Variants in SUGCT observed in about 807,000 individuals in gnomAD.
The protein encoded by SUGCT is succinyl-CoA:glutarate-CoA transferase.
Under a neutral mutation model 55.0 loss-of-function variants are expected in SUGCT, and 41 were observed. The ratio of observed to expected loss-of-function variants is 0.74; its 90% CI spans 0.58 to 0.97. SUGCT has a LOEUF of 0.97. Ranked by LOEUF, SUGCT falls within the 50% of genes least tolerant of loss-of-function variation. SUGCT has a pLI of 0.00. For missense variants in SUGCT, 568 were observed against 547.8 expected (o/e 1.04, Z -0.37); for synonymous variants, 187 against 200.4 (o/e 0.93, Z 0.56).
At chr7:40,372,636 T>C (rs1430387776) in intron 9 of SUGCT, among the ~76,000 whole-genome samples, 2 of 152,068 alleles carry the variant, frequency 1.3e-5, no homozygotes, top group Non-Finnish European at 2.9e-5. Context: ...TAATTATTAA[T>C]AGGATTAATC....
At chr7:41,026,344 A>G in the SUGCT span, among the ~76,000 whole-genome samples, 1 of 152,168 alleles carries the variant, frequency 6.6e-6, no homozygotes, top group African/African-American at 2.4e-5. Flanking sequence ...CCATTCATAC[A>G]ACTTGCTTGA....
chr7:40,218,380 GA>G (rs1284151839), intron 6 of SUGCT, among the ~76,000 whole-genome samples: 2 of 152,168 alleles, frequency 1.3e-5, no homozygotes, highest in Non-Finnish European at 2.9e-5. Flanking sequence ...GAAGTGGGGG[GA>G]AAAGTGTTGT....
chr7:40,510,391 C>T (rs907612543), intron 12 of SUGCT, among the ~76,000 whole-genome samples: 1 of 152,010 alleles, frequency 6.6e-6, no homozygotes, highest in Non-Finnish European at 1.5e-5. Context: ...GCACTTATTC[C>T]GTGTTCTCTG....
chr7:40,358,519 C>T (rs1269145175), intron 9 of SUGCT, among the ~76,000 whole-genome samples: 1 of 152,104 alleles, frequency 6.6e-6, no homozygotes, highest in Non-Finnish European at 1.5e-5. Context: ...TCGAGCCTAG[C>T]CTGGCCAACA....
At chr7:40,461,155 T>C (rs2151449784) in intron 11 of SUGCT, among the ~76,000 whole-genome samples, 1 of 152,318 alleles carries the variant, frequency 6.6e-6, no homozygotes, top group South Asian at 2.1e-4. Flanking sequence ...AATTAGAATA[T>C]TGATTCATTC....
At chr7:40,342,984 T>G (rs1259601513) in intron 9 of SUGCT, among the ~76,000 whole-genome samples, 1 of 152,208 alleles carries the variant, frequency 6.6e-6, no homozygotes, top group Non-Finnish European at 1.5e-5. Context: ...CAGCTTGAAA[T>G]AAACCTGGTC....
chr7:40,380,742 G>A (rs1218987685), intron 9 of SUGCT, among the ~76,000 whole-genome samples: 1 of 152,094 alleles, frequency 6.6e-6, no homozygotes, highest in East Asian at 1.9e-4. Context: ...TCTCTGAATG[G>A]CATTTTGTCA....
intron 9 of SUGCT, among the ~76,000 whole-genome samples, chr7:40,342,300 CTCTT>C (rs1480600471): frequency 6.6e-6 from 1 of 152,136 alleles, no homozygotes; most frequent in Non-Finnish European, 1.5e-5. Flanking sequence ...ACTCAGAAAC[CTCTT>C]TCTTATGGAT....
chr7:40,548,091 C>T (rs1455710656), intron 12 of SUGCT, among the ~76,000 whole-genome samples: 2 of 151,706 alleles, frequency 1.3e-5, no homozygotes, highest in African/African-American at 4.8e-5. Flanking sequence ...ATTTAGTGAC[C>T]TCAGTTTTAT....
At chr7:40,718,536 G>C (rs1319252925) in intron 12 of SUGCT, among the ~76,000 whole-genome samples, 2 of 152,124 alleles carry the variant, frequency 1.3e-5, no homozygotes, top group Non-Finnish European at 1.5e-5. Context: ...TTTGGCTATG[G>C]CTTATTTGTC....
chr7:40,672,288 G>A (rs1440480964), intron 12 of SUGCT, among the ~76,000 whole-genome samples: 1 of 152,076 alleles, frequency 6.6e-6, no homozygotes, highest in Non-Finnish European at 1.5e-5. Flanking sequence ...TCTGTAAAAG[G>A]AAAAATGGTG....
the SUGCT span, among the ~76,000 whole-genome samples, chr7:40,943,266 ATTT>A: frequency 3.4e-5 from 5 of 148,692 alleles, no homozygotes; most frequent in African/African-American, 1.2e-4. Flanking sequence ...ATGTGACTTT[ATTT>A]TATTATTATT....
chr7:40,992,703 G>A, the SUGCT span, among the ~76,000 whole-genome samples: 77 of 152,248 alleles, frequency 5.1e-4, no homozygotes, highest in African/African-American at 1.8e-3. Context: ...ATTTGGCTTT[G>A]GAGTGAGCCA....
At chr7:40,377,269 G>C (rs1280145488) in intron 9 of SUGCT, among the ~76,000 whole-genome samples, 1 of 128,346 alleles carries the variant, frequency 7.8e-6, no homozygotes, top group Non-Finnish European at 1.6e-5. Context: ...TTGAGACCTA[G>C]TCTCACTCTA....
At chr7:40,440,371 G>A (rs1248946339) in intron 9 of SUGCT, among the ~76,000 whole-genome samples, 1 of 151,792 alleles carries the variant, frequency 6.6e-6, no homozygotes, top group African/African-American at 2.4e-5. Context: ...ATGTTGGCCA[G>A]GCTGGTCTCA....
At chr7:40,906,083 T>A in the SUGCT span, among the ~76,000 whole-genome samples, 3 of 152,162 alleles carry the variant, frequency 2.0e-5, no homozygotes, top group African/African-American at 7.2e-5. Flanking sequence ...CATACTGTTG[T>A]GCAACCATCA....
chr7:40,264,635 C>T (rs1203297400), intron 7 of SUGCT, among the ~76,000 whole-genome samples: 2 of 152,182 alleles, frequency 1.3e-5, no homozygotes, highest in Non-Finnish European at 2.9e-5. Context: ...GTTAGGGCTA[C>T]AAGTCATGAG....
chr7:40,299,564 C>T (rs1177621929), intron 8 of SUGCT, among the ~76,000 whole-genome samples: 1 of 152,126 alleles, frequency 6.6e-6, no homozygotes, highest in Non-Finnish European at 1.5e-5. Flanking sequence ...ACACCACTAG[C>T]CCCAGTGTAG....
chr7:40,275,431 T>C (rs1792400424), intron 8 of SUGCT, among the ~76,000 whole-genome samples: 1 of 152,216 alleles, frequency 6.6e-6, no homozygotes, highest in Non-Finnish European at 1.5e-5. Context: ...CAATTTTGCA[T>C]TATTAAAAAT....
Sources: allele counts gnomAD v4.1 joint callset (sites outside exome capture counted in the v4.1 genomes callset), GRCh38; gene constraint gnomAD v4.1.1; transcripts MANE v1.5; gene names NCBI Gene and HGNC (gene_info 2026-07-23, HGNC 2026-07-21).